The following LMX1A variants were observed in gnomAD, a reference collection of about 807,000 sequenced individuals.
The protein encoded by LMX1A is LIM homeobox transcription factor 1 alpha.
LMX1A carries 15 observed loss-of-function variants against 49.1 expected under a neutral mutation model. The observed-to-expected ratio is 0.31, with a 90% CI of 0.20 to 0.47. The LOEUF (loss-of-function observed/expected upper bound fraction) is 0.47. Ranked by LOEUF, LMX1A falls within the 20% of genes least tolerant of loss-of-function variation. The pLI is 1.00. For missense variants in LMX1A, 372 were observed against 475.8 expected, an observed-to-expected ratio of 0.78 and a Z score of 2.03; for synonymous variants, 167 against 185.7, an observed-to-expected ratio of 0.90 and a Z score of 0.82.
intron 4 of LMX1A, among the ~76,000 whole-genome samples, chr1:165,233,021 T>C (rs767469766): frequency 1.3e-5 from 2 of 152,152 alleles, no homozygotes; most frequent in Non-Finnish European, 2.9e-5. Flanking sequence ...ATGAATTCCC[T>C]TTATTGCACC....
intron 8 of LMX1A, 61 bp from the exon 9 acceptor site, chr1:165,204,101 G>A (rs560225028): frequency 2.6e-6 from 4 of 1,557,596 alleles, no homozygotes; most frequent in African/African-American, 2.7e-5. Context: ...TTCAGTGCTA[G>A]GATATTCAGC....
At chr1:165,204,850 T>C (rs1246641032) in intron 8 of LMX1A, among the ~76,000 whole-genome samples, 2 of 152,230 alleles carry the variant, frequency 1.3e-5, no homozygotes, top group Non-Finnish European at 2.9e-5. Context: ...AGATGTGACC[T>C]GTGCCTTCTA....
chr1:165,323,020 T>C (rs1224447309), intron 3 of LMX1A, among the ~76,000 whole-genome samples: 3 of 152,136 alleles, frequency 2.0e-5, no homozygotes, highest in Non-Finnish European at 4.4e-5. Context: ...GCTATTTTCT[T>C]CACCTGGAAT....
chr1:165,344,612 T>C (rs1461054680), intron 3 of LMX1A, among the ~76,000 whole-genome samples: 1 of 152,136 alleles, frequency 6.6e-6, no homozygotes, highest in Non-Finnish European at 1.5e-5. Context: ...AAAATCCACC[T>C]CTGGACTGTG....
chr1:165,315,253 C>T (rs1283714353), intron 3 of LMX1A, among the ~76,000 whole-genome samples: 3 of 152,182 alleles, frequency 2.0e-5, no homozygotes, highest in Admixed American at 1.3e-4. Flanking sequence ...TCTACAACTC[C>T]CCTCTGGCCA....
In LMX1A at chr1:165,355,490, G is replaced by C. The variant is rs934281258; in HGVS notation, c.70C>G (p.Leu24Val). ...GCACGGCCTGAACACTCACCCAGCA[G>C]CGAGGAGAAGGAGGCCGAGGTGTCG... ...AIDTSASFSS[L>V]LGRAVSPKSV... The change falls in exon 2 of 9, where the codon CTG (leucine) becomes GTG (valine). Residue 24 changes from leucine to valine, a missense_variant. Physicochemically the swap from Leu to Val is conservative, Grantham distance 32. Transcript: ENST00000342310. The surrounding 1 kb of genome is among the most constrained non-coding windows in gnomAD (Gnocchi z 4.7). 2 of 1,613,850 alleles carry C rather than the reference G, an allele frequency of 1.2e-6. No individual in the cohort carries two copies. Among genetic ancestry groups the C allele is most frequent in the African/African-American group, 1.3e-5 (1 of 74,916 alleles).
At chr1:165,261,740 A>C (rs1336475831) in intron 3 of LMX1A, among the ~76,000 whole-genome samples, 4 of 152,236 alleles carry the variant, frequency 2.6e-5, no homozygotes, top group African/African-American at 9.6e-5. Flanking sequence ...ACACTACAAC[A>C]TAATGAGGAC....
chr1:165,303,320 T>A (rs1654836237), intron 3 of LMX1A, among the ~76,000 whole-genome samples: 1 of 152,176 alleles, frequency 6.6e-6, no homozygotes, highest in African/African-American at 2.4e-5. Context: ...TCTGCTGCAT[T>A]TATCCACAAA....
At chr1:165,281,381 G>A (rs966330747) in intron 3 of LMX1A, among the ~76,000 whole-genome samples, 1 of 152,194 alleles carries the variant, frequency 6.6e-6, no homozygotes, top group Admixed American at 6.5e-5. Context: ...AGGATTAGGA[G>A]CAAAGTCTAC....
intron 4 of LMX1A, among the ~76,000 whole-genome samples, chr1:165,227,943 C>G (rs1029993381): frequency 6.6e-6 from 1 of 152,114 alleles, no homozygotes; most frequent in Non-Finnish European, 1.5e-5. Flanking sequence ...TTCCTTCATT[C>G]GTGCATTTGA....
intron 3 of LMX1A, among the ~76,000 whole-genome samples, chr1:165,276,950 C>T (rs747622372): frequency 2.0e-5 from 3 of 152,144 alleles, no homozygotes; most frequent in Non-Finnish European, 4.4e-5. Context: ...TTACCTGAGC[C>T]CAAGATTTGG....
chr1:165,276,310 G>T (rs990167560), intron 3 of LMX1A, among the ~76,000 whole-genome samples: 3 of 152,126 alleles, frequency 2.0e-5, no homozygotes, highest in Admixed American at 1.3e-4. Context: ...AGAGCCTGCT[G>T]GGATTTTAAA....
chr1:165,254,768 G>A (rs568873785), intron 3 of LMX1A, among the ~76,000 whole-genome samples: 12 of 152,304 alleles, frequency 7.9e-5, no homozygotes, highest in Middle Eastern at 3.4e-3. Flanking sequence ...ATGAGACATC[G>A]CTGAGGGTTC....
At chr1:165,304,225 G>C (rs1170980489) in intron 3 of LMX1A, among the ~76,000 whole-genome samples, 1 of 152,018 alleles carries the variant, frequency 6.6e-6, no homozygotes, top group African/African-American at 2.4e-5. Flanking sequence ...CCATCTCATG[G>C]GATCAGAAAG....
intron 3 of LMX1A, among the ~76,000 whole-genome samples, chr1:165,283,014 C>T (rs909809757): frequency 6.6e-6 from 1 of 152,226 alleles, no homozygotes; most frequent in Non-Finnish European, 1.5e-5. Context: ...CCAAGTCACA[C>T]ATACTCTTTC....
chr1:165,285,086 A>C (rs1463004842), intron 3 of LMX1A, among the ~76,000 whole-genome samples: 1 of 152,234 alleles, frequency 6.6e-6, no homozygotes, highest in Non-Finnish European at 1.5e-5. Context: ...TAAAAAGATT[A>C]CATGTTTAGT....
intron 4 of LMX1A, among the ~76,000 whole-genome samples, chr1:165,249,139 C>T (rs769680404): frequency 1.3e-5 from 2 of 152,114 alleles, no homozygotes; most frequent in African/African-American, 2.4e-5. Context: ...CTCCAGTTAA[C>T]CCGGACATTT....
At chr1:165,218,712 C>T (rs1024336938) in intron 4 of LMX1A, 5 of 152,178 alleles carry the variant, frequency 3.3e-5, no homozygotes, top group Non-Finnish European at 7.3e-5. Flanking sequence ...AGGAGACTGC[C>T]CCCAGAACCA....
chr1:165,353,087 A>G lies in LMX1A; in HGVS notation c.252T>C (p.Tyr84=), dbSNP rs1389695928. 1.2e-6 allele frequency: 2 copies of G among 1,614,164 alleles called. No homozygotes were observed. The highest frequency in any genetic ancestry group is 1.3e-5 in the African/African-American group (1 of 75,080). ...FYRDKKLYCK[Y]DYEKLFAVKC... is the part of the protein sequence containing the mutation. Reference sequence around the variant, plus strand: ...GTGCGGCCACTTACTTCTCGTAGTCATACTTGCAGTACAGCTTCTTGTCCC... The same window carrying G: ...GTGCGGCCACTTACTTCTCGTAGTCGTACTTGCAGTACAGCTTCTTGTCCC... The change falls in exon 3 of 9, where the codon TAT becomes TAC. Residue 84 remains tyrosine, a synonymous_variant. Coordinates refer to ENST00000342310, the MANE Select transcript of LMX1A (RefSeq NM_177398.4).
Sources: gnomAD v4.1 joint callset for allele counts (sites outside exome capture counted in the v4.1 genomes callset) on GRCh38, gnomAD v4.1.1 for gene constraint, Gnocchi (gnomAD v3.1) non-coding constraint, MANE v1.5 for transcripts, NCBI Gene and HGNC (gene_info 2026-07-23, HGNC 2026-07-21) for gene names.